The following BBS5 variants were observed in gnomAD, a reference collection of about 807,000 sequenced individuals.
BBS5 encodes BBSome complex member BBS5.
In BBS5, 39 loss-of-function variants were observed where a neutral mutation model predicts 50.2. The observed-to-expected ratio is 0.78, with a 90% confidence interval of 0.60 to 1.01. BBS5 has a LOEUF of 1.01. Ranked by LOEUF, BBS5 falls within the 50% of genes least tolerant of loss-of-function variation. The probability of loss-of-function intolerance (pLI) is 0.00; values close to 1 mark genes in which losing one functional copy is unlikely to be tolerated. For missense variants in BBS5, 356 were observed against 401.5 expected, an observed-to-expected ratio of 0.89 and a Z score of 0.97; for synonymous variants, 134 against 133.1, an observed-to-expected ratio of 1.01 and a Z score of -0.05.
At chr2:169,499,200 C>A in intron 8 of BBS5, 1 of 354,774 alleles carries the variant, frequency 2.8e-6, no homozygotes, top group Non-Finnish European at 5.2e-6. Context: ...TCAAAATAAG[C>A]CTGCGTTGGG....
chr2:169,504,759 G>A lies in BBS5; in HGVS notation c.*177G>A, dbSNP rs1441414682. On this transcript the variant is annotated 3_prime_UTR_variant, in exon 12 of 12. Coordinates refer to ENST00000295240, the MANE Select transcript of BBS5 (RefSeq NM_152384.3). ...TAGAAAACTTCAGTTTTCGGCCAGC[G>A]CGTCGAGGGAGGGGCCAGCGACACA... The A allele has an allele frequency of 9.6e-6, 13 of 1,347,616 alleles. No individual in the cohort carries two copies. Among genetic ancestry groups the A allele is most frequent in the South Asian group, 2.6e-5 (2 of 76,126 alleles). 83.5% of individuals were successfully genotyped at this position (1,347,616 alleles called of 1,614,324 possible). A position where few individuals can be genotyped will look rare whatever the true frequency, so the allele number is the denominator to read the frequency against.
rs1206625315 is a variant in BBS5, at chr2:169,506,144, CCGCCCGGCCAGCCGCCCGG to C, written c.*1563_*1581del. On this transcript the variant is annotated 3_prime_UTR_variant, in exon 12 of 12. Coordinates refer to ENST00000295240, the MANE Select transcript of BBS5 (RefSeq NM_152384.3). ...GGAGGGAGGTGGGGGGGTCAGCCCC[CCGCCCGGCCAGCCGCCCGG>C]TCCGGGAGGGAGGTGGGGGGGTCAG... 2 of 148,050 alleles carry C rather than the reference CCGCCCGGCCAGCCGCCCGG, an allele frequency of 1.4e-5. No individual in the cohort carries two copies. Among genetic ancestry groups the C allele is most frequent in the Admixed American group, 6.8e-5 (1 of 14,764 alleles). The allele number at this position is 148,050 out of a possible 1,614,324, so 9.2% of individuals were successfully genotyped here. A position where few individuals can be genotyped will look rare whatever the true frequency, so the allele number is the denominator to read the frequency against.
rs573038203 is a variant in BBS5 at position 169,493,915 on chromosome 2, T to G, written c.618+79T>G. 2.1e-5 allele frequency: 20 copies of G among 937,718 alleles called. No individual in the cohort carries two copies. The East Asian group carries it at 5.2e-4, about 24-fold the overall frequency. The allele number at this position is 937,718 out of a possible 1,614,324, so 58.1% of individuals were successfully genotyped here. Reference sequence around the variant, plus strand: ...TTCAATAGTTAATTGGACTTTTAGATGAGTTCTTTCTCCCTTTTTTAAGTG... The same window carrying G: ...TTCAATAGTTAATTGGACTTTTAGAGGAGTTCTTTCTCCCTTTTTTAAGTG... On this transcript the variant is annotated intron_variant, in intron 7 of 11. Coordinates refer to ENST00000295240, the MANE Select transcript of BBS5 (RefSeq NM_152384.3).
chr2:169,485,853 G>A (rs1425408321), intron 2 of BBS5, among the ~76,000 whole-genome samples: 3 of 152,162 alleles, frequency 2.0e-5, no homozygotes, highest in East Asian at 3.8e-4. Flanking sequence ...CCCAGTGAAG[G>A]GTTGGCTGTG....
At position 169,504,763 on chromosome 2, in the gene BBS5, C is replaced by CGGA. The variant is rs1683871576; in HGVS notation, c.*182_*183insGAG. The stretch of plus-strand genomic sequence containing the variant: ...AAACTTCAGTTTTCGGCCAGCGCGT[C>CGGA]GAGGGAGGGGCCAGCGACACATGGC... On this transcript the variant is annotated 3_prime_UTR_variant, in exon 12 of 12. Transcript: ENST00000295240. 20 of 1,372,030 alleles carry CGGA rather than the reference C, an allele frequency of 1.5e-5. No individual in the cohort carries two copies. The Middle Eastern group carries it at 2.6e-3, about 178-fold the overall frequency. The allele number at this position is 1,372,030 out of a possible 1,614,324, so 85.0% of individuals were successfully genotyped here.
At chr2:169,493,654 C>T (rs1372701319) in intron 6 of BBS5, 87 bp from the exon 7 acceptor site, 5 of 920,928 alleles carry the variant, frequency 5.4e-6, no homozygotes, top group Non-Finnish European at 9.0e-6. Context: ...TTATTTGCTG[C>T]TGTAATAAGT....
In BBS5 at chr2:169,482,268, C is replaced by G. The variant is rs1170650445; in HGVS notation, c.77C>G (p.Pro26Arg). The change falls in exon 2 of 12, where the codon CCT becomes CGT. Residue 26 changes from proline to arginine, a missense_variant. Coordinates refer to ENST00000295240, the MANE Select transcript of BBS5 (RefSeq NM_152384.3). ...DLSAQQMKTR[P>R]GEVLIDCLDS... ...CACTTTAGGCAAATGAAAACAAGAC[C>G]TGGAGAAGTCCTTATTGATTGTTTA... The G allele has an allele frequency of 2.5e-6, 4 of 1,609,258 alleles. No individual in the cohort carries two copies. The African/African-American group carries it at 5.4e-5, about 22-fold the overall frequency.
rs1683879155 is a variant in BBS5 at position 169,505,009 on chromosome 2, A to G, written c.*427A>G. On this transcript the variant is annotated 3_prime_UTR_variant, in exon 12 of 12. Transcript: ENST00000295240. Reference sequence around the variant, plus strand: ...AAGAACTTCTTCCCAAAATGGCCGAAGCTGGACTGTACTGCTGCCATCTCT... The same window carrying G: ...AAGAACTTCTTCCCAAAATGGCCGAGGCTGGACTGTACTGCTGCCATCTCT... 1.2e-6 allele frequency: 2 copies of G among 1,605,352 alleles called. No individual in the cohort carries two copies. The highest frequency in any genetic ancestry group is 1.7e-5 in the Admixed American group (1 of 60,016).
chr2:169,506,580 T>C lies in BBS5; in HGVS notation c.*1998T>C, dbSNP rs1322828671. On this transcript the variant is annotated 3_prime_UTR_variant, in exon 12 of 12. Transcript: ENST00000295240. ...TTATAAATGTTTATTTTGTACTTAA[T>C]ACCTGTAAAGTCTTAGTTTTCAGAC... The C allele has an allele frequency of 6.6e-6, 1 of 152,554 alleles. No individual in the cohort carries two copies. The highest frequency in any genetic ancestry group is 1.5e-5 in the Non-Finnish European group (1 of 68,320). 9.5% of individuals were successfully genotyped at this position (152,554 alleles called of 1,614,324 possible). A position where few individuals can be genotyped will look rare whatever the true frequency, so the allele number is the denominator to read the frequency against.
chr2:169,496,256 C>T (rs1048201075), intron 7 of BBS5, among the ~76,000 whole-genome samples: 1 of 152,162 alleles, frequency 6.6e-6, no homozygotes, highest in Non-Finnish European at 1.5e-5. Flanking sequence ...TCCCCTTCTC[C>T]CAGGCCACTG....
chr2:169,496,636 G>A (rs560842899), intron 7 of BBS5, among the ~76,000 whole-genome samples: 14 of 151,322 alleles, frequency 9.3e-5, no homozygotes, highest in Non-Finnish European at 1.3e-4. Context: ...TTGGGAGGCC[G>A]AGGCGGGCGG....
chr2:169,488,580 T>C (rs1224526111), intron 5 of BBS5, among the ~76,000 whole-genome samples: 1 of 152,228 alleles, frequency 6.6e-6, no homozygotes, highest in Admixed American at 6.5e-5. Flanking sequence ...GGCAGCCTGG[T>C]TCCTAACAGG....
At position 169,490,187 on chromosome 2, in the gene BBS5, A is replaced by ATTTTTTTTT. The variant is rs1189751993; in HGVS notation, c.386+2088_386+2096dup. Among the ~76,000 whole-genome samples the ATTTTTTTTT allele has an allele frequency of 3.8e-5, 3 of 79,418 alleles. 1 individual carries two copies. Among genetic ancestry groups the ATTTTTTTTT allele is most frequent in the Non-Finnish European group, 2.4e-5 (1 of 41,468 alleles). 52.1% of individuals were successfully genotyped at this position (79,418 alleles called of 152,430 possible). ...ACTGGGCCCAGCCAATGAAATGTGC[A>ATTTTTTTTT]TTTTTTTTTTTTTTTTTTTTTTTGA... is the stretch of plus-strand genomic sequence containing the variant. On this transcript the variant is annotated intron_variant, in intron 5 of 11. Coordinates refer to ENST00000295240, the MANE Select transcript of BBS5 (RefSeq NM_152384.3).
chr2:169,481,573 G>A (rs1303744471), intron 1 of BBS5, among the ~76,000 whole-genome samples: 1 of 151,820 alleles, frequency 6.6e-6, no homozygotes, highest in Admixed American at 6.6e-5. Context: ...AGGTAGTTGA[G>A]TTGGCTTTAT....
At chr2:169,492,840 GT>G (rs753384856) in intron 5 of BBS5, 33 bp from the exon 6 acceptor site, 1 of 1,588,450 alleles carries the variant, frequency 6.3e-7, no homozygotes, top group Non-Finnish European at 8.6e-7. Flanking sequence ...CACATTTTCA[GT>G]TTGAGTTGTC....
Position 169,504,807 on chromosome 2 carries a change from C to T in BBS5, c.*225C>T, listed in dbSNP as rs768936274. ...ACATGGCCTAGTAACCGTCCGGCCG[C>T]GGCGCTGGCTTAAGCCATGGCTGAG... On this transcript the variant is annotated 3_prime_UTR_variant, in exon 12 of 12. Transcript: ENST00000295240. The T allele has an allele frequency of 8.3e-6, 13 of 1,561,060 alleles. No individual in the cohort carries two copies. The highest frequency in any genetic ancestry group is 5.6e-5 in the African/African-American group (4 of 70,990).
chr2:169,493,690 A>C, intron 6 of BBS5, 51 bp from the exon 7 acceptor site: 4 of 1,251,732 alleles, frequency 3.2e-6, no homozygotes, highest in Non-Finnish European at 4.7e-6. Context: ...AAAATAAAGA[A>C]TAGGTACCAA....
intron 2 of BBS5, among the ~76,000 whole-genome samples, chr2:169,484,499 G>A (rs1460606457): frequency 1.3e-5 from 2 of 152,124 alleles, no homozygotes; most frequent in African/African-American, 4.8e-5. Context: ...AAATGGAAGG[G>A]GAATCCTGCC....
chr2:169,481,168 A>G, intron 1 of BBS5, among the ~76,000 whole-genome samples: 1 of 152,212 alleles, frequency 6.6e-6, no homozygotes, highest in South Asian at 2.1e-4. Context: ...CCACTATAAT[A>G]AATGTGGTAA....
Sources: gnomAD v4.1 joint callset for allele counts (sites outside exome capture counted in the v4.1 genomes callset) on GRCh38, gnomAD v4.1.1 for gene constraint, MANE v1.5 for transcripts, NCBI Gene and HGNC (gene_info 2026-07-23, HGNC 2026-07-21) for gene names.